Variants in C14orf39 observed in about 807,000 individuals in gnomAD.
The protein encoded by C14orf39 is protein SIX6OS1.
A neutral mutation model predicts 85.6 loss-of-function variants in C14orf39; 66 were observed. That is an observed-to-expected ratio of 0.77 (90% CI 0.63 to 0.95). The LOEUF (loss-of-function observed/expected upper bound fraction) is 0.95. C14orf39 is among the 40% of genes least tolerant of loss of function. The pLI, the probability that C14orf39 is intolerant of heterozygous loss-of-function variation, is 0.00. For missense variants in C14orf39, 735 were observed against 663.9 expected (o/e 1.11, Z -1.18); for synonymous variants, 242 against 214.0 (o/e 1.13, Z -1.14).
chr14:60,486,517 G>T (rs1267803017), upstream of C14orf39, among the ~76,000 whole-genome samples: 6 of 152,156 alleles, frequency 3.9e-5, no homozygotes, highest in African/African-American at 1.2e-4. Context: ...TGGACATTTT[G>T]AGACTGACTC....
intron 1 of C14orf39, chr14:60,511,146 C>A (rs202029915): frequency 9.9e-6 from 16 of 1,612,874 alleles, no homozygotes; most frequent in Non-Finnish European, 1.2e-5. Flanking sequence ...GGCGACGGCA[C>A]GCCAGAGGTG....
chr14:60,489,363 G>A (rs909544175), upstream of C14orf39, among the ~76,000 whole-genome samples: 4 of 152,070 alleles, frequency 2.6e-5, no homozygotes, highest in African/African-American at 7.2e-5. Context: ...CCAAGCTTTC[G>A]TTTCCTCACA....
At chr14:60,490,358 C>T (rs1249108668), upstream of C14orf39, among the ~76,000 whole-genome samples, 18 of 151,938 alleles carry the variant, frequency 1.2e-4, no homozygotes, top group Admixed American at 1.2e-3. Context: ...AATCCCAGGA[C>T]TTTGGGAGGT....
chr14:60,454,547 T>A lies in C14orf39; in HGVS notation c.1503+454A>T, dbSNP rs185126575. Among the ~76,000 whole-genome samples the A allele has an allele frequency of 1.7e-4, 26 of 152,106 alleles. No homozygotes were observed. In the East Asian group the frequency reaches 2.3e-3, roughly 14 times the overall value. On this transcript the variant is annotated intron_variant, in intron 16 of 17. Coordinates refer to ENST00000321731, the MANE Select transcript of C14orf39 (RefSeq NM_174978.3). ...AATTTTCAGCTTTAATTTCTAAATA[T>A]AGAAATAAGCACTTTATCATGATTC... is the stretch of plus-strand genomic sequence containing the variant.
At chr14:60,453,258 G>T (rs998269726) in intron 16 of C14orf39, among the ~76,000 whole-genome samples, 1 of 151,950 alleles carries the variant, frequency 6.6e-6, no homozygotes, top group South Asian at 2.1e-4. Context: ...TTACACATTT[G>T]TGACTGTTAT....
At chr14:60,497,674 G>T (rs1311170826) in intron 2 of C14orf39, among the ~76,000 whole-genome samples, 1 of 152,102 alleles carries the variant, frequency 6.6e-6, no homozygotes, top group East Asian at 1.9e-4. Flanking sequence ...TCAGGAGTTC[G>T]AAACTAGCCT....
At chr14:60,509,963 A>C (rs1337925767) in intron 1 of C14orf39, 1 of 1,602,432 alleles carries the variant, frequency 6.2e-7, no homozygotes, top group African/African-American at 1.3e-5. Flanking sequence ...GGCTGCAGCC[A>C]AGAACAGGTC....
At chr14:60,440,882 C>T (rs1400461243) in intron 17 of C14orf39, among the ~76,000 whole-genome samples, 1 of 152,068 alleles carries the variant, frequency 6.6e-6, no homozygotes, top group African/African-American at 2.4e-5. Flanking sequence ...AACACTTTTC[C>T]CAGTAGCTTG....
At chr14:60,509,400 T>A in intron 1 of C14orf39, 1 of 1,599,320 alleles carries the variant, frequency 6.3e-7, no homozygotes, top group Non-Finnish European at 8.5e-7. Context: ...ACTGCCTCGA[T>A]GTTCCAGCTG....
chr14:60,438,644 G>A (rs964066014), intron 17 of C14orf39, among the ~76,000 whole-genome samples: 4 of 151,888 alleles, frequency 2.6e-5, no homozygotes, highest in Non-Finnish European at 4.4e-5. Flanking sequence ...AAATAATGAT[G>A]GTAGAATGGT....
At chr14:60,486,176 T>G (rs1162512423), upstream of C14orf39, 2 of 151,194 alleles carry the variant, frequency 1.3e-5, no homozygotes, top group Admixed American at 1.3e-4. Flanking sequence ...GGACGAGACC[T>G]GCGCGGCTGC....
At chr14:60,490,665 G>A (rs148078538), upstream of C14orf39, among the ~76,000 whole-genome samples, 66 of 152,118 alleles carry the variant, frequency 4.3e-4, no homozygotes, top group Non-Finnish European at 8.1e-4. Context: ...AAATGTTACT[G>A]TGTAACACAA....
intron 2 of C14orf39, chr14:60,495,676 AC>A: frequency 4.8e-6 from 1 of 209,684 alleles, no homozygotes; most frequent in Non-Finnish European, 9.8e-6. Flanking sequence ...TGAAGCCATG[AC>A]CACAGACAGA....
intron 5 of C14orf39, among the ~76,000 whole-genome samples, chr14:60,475,143 C>T (rs534201079): frequency 2.1e-4 from 32 of 152,144 alleles, no homozygotes; most frequent in South Asian, 1.5e-3. Context: ...GTGTATGTGT[C>T]GAGGAATTTA....
At chr14:60,477,459 A>G (rs1892434439) in intron 5 of C14orf39, among the ~76,000 whole-genome samples, 1 of 152,218 alleles carries the variant, frequency 6.6e-6, no homozygotes, top group Non-Finnish European at 1.5e-5. Context: ...TATGCTATAT[A>G]ATGTGTTCAA....
intron 11 of C14orf39, among the ~76,000 whole-genome samples, chr14:60,462,700 G>T (rs761276817): frequency 9.9e-5 from 15 of 152,152 alleles, no homozygotes; most frequent in Non-Finnish European, 2.1e-4. Flanking sequence ...CGGCCTGCAG[G>T]CTGCATGCAG....
At chr14:60,445,216 TA>T (rs1411946899) in intron 16 of C14orf39, among the ~76,000 whole-genome samples, 1 of 152,086 alleles carries the variant, frequency 6.6e-6, no homozygotes, top group Non-Finnish European at 1.5e-5. Context: ...AACATAACAA[TA>T]TTAACCTTAA....
chr14:60,469,022 T>C (rs1891935080), intron 8 of C14orf39, among the ~76,000 whole-genome samples: 1 of 151,444 alleles, frequency 6.6e-6, no homozygotes, highest in Admixed American at 6.6e-5. Flanking sequence ...ATCATAGCTA[T>C]GTAAATAAAA....
chr14:60,453,287 CTTT>C (rs201931418), intron 16 of C14orf39, among the ~76,000 whole-genome samples: 5 of 151,924 alleles, frequency 3.3e-5, no homozygotes, highest in Non-Finnish European at 7.4e-5. Flanking sequence ...TATGAATTGA[CTTT>C]TTTATCTTTA....
Sources: allele counts gnomAD v4.1 joint callset (sites outside exome capture counted in the v4.1 genomes callset), GRCh38; gene constraint gnomAD v4.1.1; transcripts MANE v1.5; gene names NCBI Gene and HGNC (gene_info 2026-07-23, HGNC 2026-07-21).